SERTM1: variants seen among roughly 807,000 people sequenced by gnomAD.
The protein encoded by SERTM1 is serine rich and transmembrane domain containing 1, also known as serine-rich and transmembrane domain-containing protein 1.
SERTM1 carries 1 observed loss-of-function variant against 5.5 expected under a neutral mutation model. The ratio of observed to expected loss-of-function variants is 0.18; its 90% confidence interval spans 0.06 to 0.86. SERTM1 has a LOEUF of 0.86. SERTM1 is among the 40% of genes least tolerant of loss of function. SERTM1 has a pLI of 0.69. For missense variants in SERTM1, 91 were observed against 122.4 expected (o/e 0.74, Z 1.21); for synonymous variants, 52 against 55.1 (o/e 0.94, Z 0.25).
At chr13:36,676,560 T>C (rs1267267090) in intron 1 of SERTM1, among the ~76,000 whole-genome samples, 1 of 152,126 alleles carries the variant, frequency 6.6e-6, no homozygotes, top group Non-Finnish European at 1.5e-5. Flanking sequence ...TCTGAAAAAA[T>C]ACATTTCTGA....
intron 1 of SERTM1, among the ~76,000 whole-genome samples, chr13:36,684,462 T>C (rs774452409): frequency 6.6e-6 from 1 of 152,154 alleles, no homozygotes; most frequent in Non-Finnish European, 1.5e-5. Context: ...CTAGCAGCCA[T>C]CATTTATGTT....
chr13:36,696,647 A>G lies in SERTM1; in HGVS notation c.*1245A>G, dbSNP rs1282864342. 2 of 166,886 alleles carry G rather than the reference A, an allele frequency of 1.2e-5. No homozygotes were observed. Among genetic ancestry groups the G allele is most frequent in the Non-Finnish European group, 2.9e-5 (2 of 68,124 alleles). The allele number at this position is 166,886 out of a possible 1,614,324, so 10.3% of individuals were successfully genotyped here. On this transcript the variant is annotated 3_prime_UTR_variant, in exon 2 of 2. Transcript: ENST00000315190. ...GGGCTGTCTGTGAAATTAGGCACAC[A>G]TGTGAGCTCAGACATGGAATGTGGA...
At chr13:36,694,045 T>C (rs1411478530) in intron 1 of SERTM1, among the ~76,000 whole-genome samples, 2 of 152,100 alleles carry the variant, frequency 1.3e-5, no homozygotes, top group Non-Finnish European at 1.5e-5. Context: ...ACTAAAGTCA[T>C]TTTTTTCTCC....
chr13:36,679,331 A>G (rs1233505691), intron 1 of SERTM1, among the ~76,000 whole-genome samples: 2 of 152,228 alleles, frequency 1.3e-5, no homozygotes. Context: ...GTTGTTGAAC[A>G]GCTGATACAA....
In SERTM1 at chr13:36,696,904, A is replaced by G. The variant is rs1473978127; in HGVS notation, c.*1502A>G. On this transcript the variant is annotated 3_prime_UTR_variant, in exon 2 of 2. Transcript: ENST00000315190. ...GGGCTTCAACACACCGTTTGGTTAG[A>G]TTGTGCAGTCAGCACTCTCCAGTGA... The G allele has an allele frequency of 6.0e-6, 1 of 167,012 alleles. No homozygotes were observed. Among genetic ancestry groups the G allele is most frequent in the Non-Finnish European group, 1.5e-5 (1 of 68,110 alleles). The allele number at this position is 167,012 out of a possible 1,614,324, so 10.3% of individuals were successfully genotyped here.
At chr13:36,682,426 G>A (rs1157856658) in intron 1 of SERTM1, among the ~76,000 whole-genome samples, 1 of 152,162 alleles carries the variant, frequency 6.6e-6, no homozygotes, top group African/African-American at 2.4e-5. Context: ...AGTATGCTGA[G>A]AATGCAGAGG....
intron 1 of SERTM1, among the ~76,000 whole-genome samples, chr13:36,678,818 C>T (rs74736237): frequency 3.3e-4 from 50 of 151,922 alleles, no homozygotes; most frequent in African/African-American, 1.1e-3. Flanking sequence ...CTACAGAATA[C>T]ATCTTTGTGC....
intron 1 of SERTM1, among the ~76,000 whole-genome samples, chr13:36,677,947 T>G (rs1235596184): frequency 1.3e-5 from 2 of 152,080 alleles, no homozygotes; most frequent in Non-Finnish European, 1.5e-5. Context: ...TTAGGAAGAT[T>G]GACTTTCTGG....
chr13:36,680,504 G>T (rs1396930546), intron 1 of SERTM1, among the ~76,000 whole-genome samples: 3 of 152,076 alleles, frequency 2.0e-5, no homozygotes, highest in Admixed American at 6.6e-5. Flanking sequence ...TTGGAAAGGG[G>T]GTGCTAGGCC....
chr13:36,680,621 G>A (rs140696171), intron 1 of SERTM1, among the ~76,000 whole-genome samples: 149 of 152,226 alleles, frequency 9.8e-4, no homozygotes, highest in Admixed American at 3.5e-3. Context: ...ACTTTTGGGG[G>A]TGTCATTTTC....
At chr13:36,692,205 G>C (rs879486123) in intron 1 of SERTM1, among the ~76,000 whole-genome samples, 16 of 152,214 alleles carry the variant, frequency 1.1e-4, no homozygotes, top group Admixed American at 3.3e-4. Context: ...CCACTTAAAA[G>C]ATCAGATGCT....
intron 1 of SERTM1, 85 bp from the exon 2 acceptor site, chr13:36,694,819 TAA>T (rs2056802120): frequency 2.1e-6 from 1 of 476,802 alleles, no homozygotes; most frequent in African/African-American, 2.0e-5. Flanking sequence ...CTGAGTTTTC[TAA>T]CTAATCCTTA....
intron 1 of SERTM1, among the ~76,000 whole-genome samples, chr13:36,686,815 CT>C (rs1268431270): frequency 1.3e-5 from 2 of 152,080 alleles, no homozygotes; most frequent in South Asian, 2.1e-4. Context: ...CACCAAGGAT[CT>C]TACATTGAGG....
In SERTM1 at chr13:36,694,955, T is replaced by G. The variant is rs1379573338; in HGVS notation, c.-124T>G. ...TGCCTTTGAGAAACAAGTTTTGTTG[T>G]GCTGATTTAACAGCCTGTGAATTCT... On this transcript the variant is annotated 5_prime_UTR_variant, in exon 2 of 2. Transcript: ENST00000315190. 2.9e-6 allele frequency: 2 copies of G among 694,708 alleles called. No homozygotes were observed. Among genetic ancestry groups the G allele is most frequent in the African/African-American group, 3.6e-5 (2 of 56,256 alleles). 43.0% of individuals were successfully genotyped at this position (694,708 alleles called of 1,614,324 possible). A position where few individuals can be genotyped will look rare whatever the true frequency, so the allele number is the denominator to read the frequency against.
At chr13:36,681,728 T>TA (rs1481976513) in intron 1 of SERTM1, among the ~76,000 whole-genome samples, 1 of 152,228 alleles carries the variant, frequency 6.6e-6, no homozygotes, top group Non-Finnish European at 1.5e-5. Flanking sequence ...GAAATTCTTT[T>TA]AAAAATGCAT....
chr13:36,695,691 G>T lies in SERTM1; in HGVS notation c.*289G>T, dbSNP rs878953516. 1.6e-5 allele frequency: 7 copies of T among 443,110 alleles called. No homozygotes were observed. Among genetic ancestry groups the T allele is most frequent in the Non-Finnish European group, 2.9e-5 (7 of 240,588 alleles). 27.4% of individuals were successfully genotyped at this position (443,110 alleles called of 1,614,324 possible). On this transcript the variant is annotated 3_prime_UTR_variant, in exon 2 of 2. Coordinates refer to ENST00000315190, the MANE Select transcript of SERTM1 (RefSeq NM_203451.3). ...GTCAGTTCATTCTACTTTGTTGGAC[G>T]CCGTAGGCTCATCTGAGGTGGCCTC...
At chr13:36,679,326 T>G (rs889598248) in intron 1 of SERTM1, among the ~76,000 whole-genome samples, 3 of 152,218 alleles carry the variant, frequency 2.0e-5, no homozygotes, top group Non-Finnish European at 4.4e-5. Context: ...TTGGTGTTGT[T>G]GAACAGCTGA....
chr13:36,680,658 T>C (rs1327323713), intron 1 of SERTM1, among the ~76,000 whole-genome samples: 1 of 152,230 alleles, frequency 6.6e-6, no homozygotes, highest in African/African-American at 2.4e-5. Flanking sequence ...TGTAGCTCTC[T>C]GATTCTATGA....
rs1206868598 is a variant in SERTM1, at chr13:36,697,363, C to G, written c.*1961C>G. ...AACTCACATACTCCCAATTAAAAGT[C>G]GTGTGAAAGCTACACAGGATTACAG... On this transcript the variant is annotated 3_prime_UTR_variant, in exon 2 of 2. Coordinates refer to ENST00000315190, the MANE Select transcript of SERTM1 (RefSeq NM_203451.3). 1.8e-5 allele frequency: 3 copies of G among 162,542 alleles called. No homozygotes were observed. The highest frequency in any genetic ancestry group is 3.0e-5 in the Non-Finnish European group (2 of 67,574). The allele number at this position is 162,542 out of a possible 1,614,324, so 10.1% of individuals were successfully genotyped here. A position where few individuals can be genotyped will look rare whatever the true frequency, so the allele number is the denominator to read the frequency against.
Sources: gnomAD v4.1 joint callset for allele counts (sites outside exome capture counted in the v4.1 genomes callset) on GRCh38, gnomAD v4.1.1 for gene constraint, MANE v1.5 for transcripts, NCBI Gene and HGNC (gene_info 2026-07-23, HGNC 2026-07-21) for gene names.